CFAP54: variants seen among roughly 807,000 people sequenced by gnomAD.
The protein encoded by CFAP54 is cilia- and flagella-associated protein 54.
Under a neutral mutation model 370.4 loss-of-function variants are expected in CFAP54, and 290 were observed. The observed-to-expected ratio is 0.78, with a 90% CI of 0.71 to 0.86. CFAP54 has a LOEUF of 0.86. CFAP54 is among the 40% of genes least tolerant of loss of function. CFAP54 has a pLI of 0.00. For synonymous variants in CFAP54, 1,206 were observed against 1,236.5 expected, an observed-to-expected ratio of 0.98 and a Z score of 0.52; for missense variants, 3,399 against 3,528.7, an observed-to-expected ratio of 0.96 and a Z score of 0.93.
rs1958575688 is a variant in CFAP54 at position 96,781,079 on chromosome 12, G to A, written c.8282-3638G>A. On this transcript the variant is annotated intron_variant, in intron 60 of 67. Transcript: ENST00000524981. ...GAAAGGAAAGGAGGAAGAGAGGAAA[G>A]GGCCCTCAGTATTGCCAGCTATGCA... Among the ~76,000 whole-genome samples, 5 of 152,034 alleles carry A rather than the reference G, an allele frequency of 3.3e-5. 1 individual carries two copies. Among genetic ancestry groups the A allele is most frequent in the South Asian group, 4.1e-4 (2 of 4,824 alleles).
At chr12:96,740,109 C>A in intron 51 of CFAP54, 48 bp downstream of exon 51, 1 of 1,024,448 alleles carries the variant, frequency 9.8e-7, no homozygotes, top group Non-Finnish European at 1.5e-6. Flanking sequence ...CATATAAGAA[C>A]TATTGGCATG....
At chr12:96,683,546 C>A (rs1053248986) in intron 40 of CFAP54, among the ~76,000 whole-genome samples, 1 of 152,206 alleles carries the variant, frequency 6.6e-6, no homozygotes, top group Non-Finnish European at 1.5e-5. Flanking sequence ...ACAGGCTTAT[C>A]ATCTTTTCCT....
At chr12:96,829,740 C>A (rs1363718895) in intron 66 of CFAP54, among the ~76,000 whole-genome samples, 2 of 151,666 alleles carry the variant, frequency 1.3e-5, no homozygotes, top group African/African-American at 2.4e-5. Context: ...AAAGTTTTAA[C>A]CATTTTAAGT....
intron 63 of CFAP54, among the ~76,000 whole-genome samples, chr12:96,805,423 A>C (rs1303340667): frequency 6.6e-6 from 1 of 152,098 alleles, no homozygotes; most frequent in Non-Finnish European, 1.5e-5. Flanking sequence ...GACTAAAAGC[A>C]TGAACATATA....
chr12:96,742,690 C>A (rs1958066043), intron 52 of CFAP54, 104 bp downstream of exon 52: 10 of 1,093,228 alleles, frequency 9.1e-6, no homozygotes, highest in Non-Finnish European at 1.3e-5. Flanking sequence ...TTATAACTTT[C>A]TAGCTTGATC....
chr12:96,594,564 T>C (rs1189209031), intron 25 of CFAP54, 118 bp downstream of exon 25: 1 of 670,870 alleles, frequency 1.5e-6, no homozygotes, highest in Non-Finnish European at 2.3e-6. Context: ...GGAATCAGTA[T>C]TATGAAATTT....
intron 50 of CFAP54, among the ~76,000 whole-genome samples, chr12:96,737,571 C>T (rs935004487): frequency 6.6e-6 from 1 of 150,814 alleles, no homozygotes; most frequent in African/African-American, 2.4e-5. Context: ...CTCACTGCAA[C>T]CTCTGCCTCC....
intron 1 of CFAP54, among the ~76,000 whole-genome samples, chr12:96,495,287 TCC>T: frequency 6.8e-6 from 1 of 147,062 alleles, no homozygotes; most frequent in African/African-American, 2.5e-5. Context: ...CTTCCTTCCT[TCC>T]TTCTTTCCTT....
intron 45 of CFAP54, among the ~76,000 whole-genome samples, chr12:96,698,429 A>T (rs971946399): frequency 3.1e-4 from 47 of 152,184 alleles, no homozygotes; most frequent in African/African-American, 1.0e-3. Flanking sequence ...ATAAACCTAA[A>T]TGCCTATCAT....
intron 4 of CFAP54, among the ~76,000 whole-genome samples, chr12:96,511,044 G>A (rs1238056725): frequency 6.6e-6 from 1 of 151,888 alleles, no homozygotes; most frequent in Non-Finnish European, 1.5e-5. Context: ...TGCTGAGCTT[G>A]AGCTGTTATT....
chr12:96,612,158 A>C (rs1355946486), intron 26 of CFAP54, among the ~76,000 whole-genome samples: 2 of 152,246 alleles, frequency 1.3e-5, no homozygotes, highest in Admixed American at 1.3e-4. Flanking sequence ...GTTACCCACA[A>C]AGGGAAGCCC....
Position 96,594,384 on chromosome 12 carries a change from C to G in CFAP54, c.3454C>G (p.Gln1152Glu). Reference sequence around the variant, plus strand: ...CAGCTATGCCCTTCAAGCTGTGACTCAATGTTATGGACTTCTTGCTCCCAT... The same window carrying G: ...CAGCTATGCCCTTCAAGCTGTGACTGAATGTTATGGACTTCTTGCTCCCAT... ...DSSYALQAVT[Q>E]CYGLLAPIIY... The change falls in exon 25 of 68, where the codon CAA (glutamine) becomes GAA (glutamate). Residue 1152 changes from glutamine (Q) to glutamate (E), a missense_variant. By Grantham distance (29) the Gln-to-Glu change is conservative. Around this residue, in one of 3 missense-constraint regions of CFAP54, gnomAD observed 2,796 missense variants for 2,869.7 expected, o/e 0.97. Coordinates refer to ENST00000524981, the MANE Select transcript of CFAP54 (RefSeq NM_001306084.2). The G allele has an allele frequency of 6.5e-7, 1 of 1,534,538 alleles. No individual in the cohort carries two copies. Among genetic ancestry groups the G allele is most frequent in the Non-Finnish European group, 8.7e-7 (1 of 1,145,740 alleles).
intron 33 of CFAP54, 47 bp from the exon 34 acceptor site, chr12:96,647,828 C>A (rs1352189740): frequency 2.0e-5 from 29 of 1,424,058 alleles, no homozygotes; most frequent in Non-Finnish European, 2.6e-5. Flanking sequence ...AGATTTAATT[C>A]AATTTTGCTT....
chr12:96,725,391 C>A (rs111810449), intron 50 of CFAP54, among the ~76,000 whole-genome samples: 1 of 152,082 alleles, frequency 6.6e-6, no homozygotes, highest in Non-Finnish European at 1.5e-5. Context: ...AGGTCCTTCA[C>A]GTCCCTTGTA....
chr12:96,522,550 G>A (rs1265991942), intron 8 of CFAP54, among the ~76,000 whole-genome samples: 1 of 152,198 alleles, frequency 6.6e-6, no homozygotes, highest in Non-Finnish European at 1.5e-5. Flanking sequence ...AGCAGGCTTT[G>A]AGGCTGTGGA....
intron 2 of CFAP54, among the ~76,000 whole-genome samples, chr12:96,503,364 T>C: frequency 1.6e-5 from 2 of 126,472 alleles, no homozygotes; most frequent in Admixed American, 8.7e-5. Flanking sequence ...CCTCCCTCCC[T>C]CTCTCCCTTC....
At chr12:96,516,420 G>A (rs1247870455) in intron 5 of CFAP54, among the ~76,000 whole-genome samples, 1 of 152,096 alleles carries the variant, frequency 6.6e-6, no homozygotes, top group Non-Finnish European at 1.5e-5. Flanking sequence ...AAGCTGCAGG[G>A]AAGGGGTTGA....
intron 66 of CFAP54, among the ~76,000 whole-genome samples, chr12:96,831,366 A>G (rs941381231): frequency 2.0e-5 from 3 of 152,226 alleles, no homozygotes; most frequent in African/African-American, 7.2e-5. Flanking sequence ...ACTACAGCCT[A>G]TGAGCTATAT....
chr12:96,630,989 G>A (rs1029948184), intron 32 of CFAP54, among the ~76,000 whole-genome samples: 12 of 151,762 alleles, frequency 7.9e-5, no homozygotes, highest in Admixed American at 5.3e-4. Flanking sequence ...ATATATTATG[G>A]CAAAATGTTT....
Sources: allele counts gnomAD v4.1 joint callset (sites outside exome capture counted in the v4.1 genomes callset), GRCh38; gene constraint gnomAD v4.1.1; regional missense constraint gnomAD v4.1.1; transcripts MANE v1.5; gene names NCBI Gene and HGNC (gene_info 2026-07-23, HGNC 2026-07-21).